Variants in MAPK8IP3 observed in about 807,000 individuals in gnomAD.
MAPK8IP3 encodes the protein C-Jun-amino-terminal kinase-interacting protein 3.
In MAPK8IP3, 49 loss-of-function variants were observed where a neutral mutation model predicts 157.8. That is an observed-to-expected ratio of 0.31 (90% CI 0.25 to 0.39). MAPK8IP3 has a LOEUF of 0.39. Ranked by LOEUF, MAPK8IP3 falls within the 10% of genes least tolerant of loss-of-function variation. The pLI is 1.00. For synonymous variants in MAPK8IP3, 897 were observed against 777.7 expected, an observed-to-expected ratio of 1.15 and a Z score of -2.55; for missense variants, 1,478 against 1,889.4, an observed-to-expected ratio of 0.78 and a Z score of 4.04.
Position 1,743,739 on chromosome 16 carries a change from A to G in MAPK8IP3, c.747+263A>G. On this transcript the variant is annotated intron_variant, in intron 5 of 31. Transcript: ENST00000610761. This position sits in a 1 kb window ranked among gnomAD's most constrained non-coding sequence, Gnocchi z 5.6. ...AGGCTAGACCTCCCTGCCCTTGGAT[A>G]GACCGCTCTGTAGCCAGGGGTGTAC... 7.4e-7 allele frequency: 1 copy of G among 1,360,112 alleles called. No homozygotes were observed. Among genetic ancestry groups the G allele is most frequent in the Non-Finnish European group, 9.4e-7 (1 of 1,063,280 alleles). The allele number at this position is 1,360,112 out of a possible 1,614,324, so 84.3% of individuals were successfully genotyped here. A position where few individuals can be genotyped will look rare whatever the true frequency, so the allele number is the denominator to read the frequency against.
At chr16:1,759,811 C>A in intron 10 of MAPK8IP3, 147 bp from the exon 11 acceptor site, 1 of 697,326 alleles carries the variant, frequency 1.4e-6, no homozygotes, top group Non-Finnish European at 2.5e-6. Flanking sequence ...TGAGCCCCGC[C>A]CTTCACGGCC....
At chr16:1,762,526 G>A in intron 14 of MAPK8IP3, 45 bp downstream of exon 14, 2 of 1,606,698 alleles carry the variant, frequency 1.2e-6, no homozygotes, top group South Asian at 1.1e-5. Flanking sequence ...GATCATCCCT[G>A]ACGGCAGGAC....
intron 2 of MAPK8IP3, among the ~76,000 whole-genome samples, chr16:1,727,448 AG>A (rs2038961580): frequency 1.3e-5 from 2 of 151,026 alleles, no homozygotes; most frequent in Admixed American, 6.7e-5. Flanking sequence ...CATGTCTGTA[AG>A]TCTTGTGTTG....
At chr16:1,731,807 AT>A (rs966198055) in intron 4 of MAPK8IP3, among the ~76,000 whole-genome samples, 10 of 152,088 alleles carry the variant, frequency 6.6e-5, no homozygotes, top group African/African-American at 2.4e-4. Flanking sequence ...ATGTGTACAT[AT>A]TTTTCCCCTA....
Position 1,766,644 on chromosome 16 carries a change from GGC to G in MAPK8IP3, c.2936_2937del (p.Gly979ValfsTer50). On this transcript the variant is annotated frameshift_variant and splice_region_variant, in exon 23 of 32. Transcript: ENST00000610761. LOFTEE classifies it high-confidence loss of function. The part of the protein sequence containing the change: ...APTMWLGAQN[G>X]WLYVHSAVAN... ...CACCATGTGGCTGGGAGCCCAGAAC[GGC>G]TGGTAGGAAGGGCCCGGGGCAAGGT... 6.2e-7 allele frequency: 1 copy of G among 1,612,352 alleles called. No homozygotes were observed. Among genetic ancestry groups the G allele is most frequent in the Non-Finnish European group, 8.5e-7 (1 of 1,179,798 alleles).
intron 1 of MAPK8IP3, among the ~76,000 whole-genome samples, chr16:1,709,254 A>C (rs746895462): frequency 2.0e-5 from 3 of 152,186 alleles, no homozygotes; most frequent in Non-Finnish European, 4.4e-5. Context: ...AGTGTATGAG[A>C]GTGACAGGAG....
rs1214443514 is a variant in MAPK8IP3, at chr16:1,751,351, C to T, written c.1216+2631C>T. 3.3e-5 allele frequency among the ~76,000 whole-genome samples: 5 copies of T among 151,990 alleles called. No individual in the cohort carries two copies. Among genetic ancestry groups the T allele is most frequent in the East Asian group, 1.9e-4 (1 of 5,174 alleles). ...GCGGGCACCTGTAATCCCAGCTACT[C>T]GGGAGACTGAGGCAGAAGAATTGTT... On this transcript the variant is annotated intron_variant, in intron 8 of 31. Transcript: ENST00000610761. The surrounding 1 kb of genome is among the most constrained non-coding windows in gnomAD (Gnocchi z 5.0).
At chr16:1,764,038 C>T in intron 17 of MAPK8IP3, 77 bp from the exon 18 acceptor site, 1 of 1,398,796 alleles carries the variant, frequency 7.1e-7, no homozygotes, top group South Asian at 1.3e-5. Context: ...AAGCTGGCAG[C>T]CCTACCTGTC....
chr16:1,754,653 C>T (rs531362550), intron 8 of MAPK8IP3, among the ~76,000 whole-genome samples: 1 of 152,038 alleles, frequency 6.6e-6, no homozygotes, highest in Admixed American at 6.5e-5. Flanking sequence ...GCCCTGTAGT[C>T]CCAGCTACTC....
intron 13 of MAPK8IP3, among the ~76,000 whole-genome samples, chr16:1,761,591 A>G (rs1223015062): frequency 6.9e-6 from 1 of 145,620 alleles, no homozygotes; most frequent in Non-Finnish European, 1.5e-5. Context: ...CACCATTCAC[A>G]GGCAGAGCGG....
At chr16:1,763,821 CAGAGG>C in intron 17 of MAPK8IP3, 38 bp downstream of exon 17, 1 of 1,050,696 alleles carries the variant, frequency 9.5e-7, no homozygotes, top group Non-Finnish European at 1.2e-6. Flanking sequence ...CGGGGCCCCG[CAGAGG>C]CGGGGCGGGG....
intron 4 of MAPK8IP3, among the ~76,000 whole-genome samples, chr16:1,736,445 C>T (rs1490468991): frequency 1.9e-5 from 1 of 51,306 alleles, no homozygotes; most frequent in Non-Finnish European, 3.4e-5. Context: ...TGTGACTGTC[C>T]GTGTGAGCGT....
intron 4 of MAPK8IP3, among the ~76,000 whole-genome samples, chr16:1,736,084 G>T (rs1276172553): frequency 2.3e-4 from 30 of 130,216 alleles, no homozygotes; most frequent in African/African-American, 8.3e-4. Flanking sequence ...CCGTGTGAGA[G>T]TGTGACCGTC....
intron 8 of MAPK8IP3, chr16:1,752,640 T>C (rs1216976637): frequency 8.7e-6 from 2 of 230,338 alleles, no homozygotes; most frequent in Admixed American, 5.7e-5. Flanking sequence ...TCCCAGCTAC[T>C]TGGGAAGCTG....
intron 8 of MAPK8IP3, among the ~76,000 whole-genome samples, chr16:1,756,572 C>T (rs1331630149): frequency 6.7e-6 from 1 of 149,652 alleles, no homozygotes; most frequent in Admixed American, 6.6e-5. Context: ...TGCTTGAGCC[C>T]AGGAGTTGAA....
At chr16:1,761,133 G>A (rs183783009) in intron 12 of MAPK8IP3, 91 bp from the exon 13 acceptor site, 5 of 1,019,586 alleles carry the variant, frequency 4.9e-6, no homozygotes, top group Middle Eastern at 2.3e-4. Context: ...ACAGAGGCAA[G>A]GACACAGGTT....
At chr16:1,713,307 C>T (rs1164064336) in intron 1 of MAPK8IP3, among the ~76,000 whole-genome samples, 1 of 152,206 alleles carries the variant, frequency 6.6e-6, no homozygotes, top group African/African-American at 2.4e-5. Context: ...TGGTCTCAAA[C>T]TTCTGGACCG....
rs375551264 is a variant in MAPK8IP3, at chr16:1,768,499, T to G, written c.3765T>G (p.Asn1255Lys). ...SVPGNVLATL[N>K]GSVLDSPAEG... is the part of the protein sequence containing the mutation. ...CAGGGAACGTGCTGGCCACCCTGAATGGGAGTGTGCTGGACAGCCCAGCCG... is the reference window on the plus strand; with the variant it reads ...CAGGGAACGTGCTGGCCACCCTGAAGGGGAGTGTGCTGGACAGCCCAGCCG... The change falls in exon 31 of 32, where the codon AAT becomes AAG. Residue 1255 changes from asparagine (N) to lysine (K), a missense_variant. This residue lies in a region of MAPK8IP3 where 133 missense variants were observed against 133.4 expected (regional missense o/e 1.00). Coordinates refer to ENST00000610761, the MANE Select transcript of MAPK8IP3 (RefSeq NM_001318852.2). 6.4e-7 allele frequency: 1 copy of G among 1,560,898 alleles called. No individual in the cohort carries two copies. The highest frequency in any genetic ancestry group is 8.6e-7 in the Non-Finnish European group (1 of 1,156,430).
intron 4 of MAPK8IP3, among the ~76,000 whole-genome samples, chr16:1,737,610 G>A (rs1366329650): frequency 1.6e-4 from 13 of 83,006 alleles, no homozygotes; most frequent in South Asian, 8.0e-4. Context: ...GCGTGTGACC[G>A]TCCGTGTGTG....
Sources: gnomAD v4.1 joint callset for allele counts (sites outside exome capture counted in the v4.1 genomes callset) on GRCh38, gnomAD v4.1.1 for gene constraint, gnomAD v4.1.1 regional missense constraint, Gnocchi (gnomAD v3.1) non-coding constraint, MANE v1.5 for transcripts, NCBI Gene and HGNC (gene_info 2026-07-23, HGNC 2026-07-21) for gene names.